Variants in OSTN observed in about 807,000 individuals in gnomAD.
OSTN encodes osteocrin.
In OSTN, 9 loss-of-function variants were observed where a neutral mutation model predicts 12.0. The ratio of observed to expected loss-of-function variants is 0.75; its 90% confidence interval spans 0.45 to 1.30. The LOEUF (loss-of-function observed/expected upper bound fraction) is 1.30. OSTN is among the 50% of genes most tolerant of loss of function. OSTN has a pLI of 0.00. For missense variants in OSTN, 148 were observed against 152.3 expected (o/e 0.97, Z 0.15); for synonymous variants, 59 against 56.9 (o/e 1.04, Z -0.16).
chr3:191,232,523 A>T (rs116590467), intron 3 of OSTN, among the ~76,000 whole-genome samples: 4,602 of 143,112 alleles, frequency 0.032, 226 homozygotes, highest in African/African-American at 0.11. Context: ...TATATATATA[A>T]AATTATGTTT....
chr3:191,246,763 GAGA>G (rs373913198), intron 3 of OSTN, among the ~76,000 whole-genome samples: 130 of 151,906 alleles, frequency 8.6e-4, no homozygotes, highest in African/African-American at 3.0e-3. Flanking sequence ...GGAGAAGGAG[GAGA>G]AGGAGGAGAA....
intron 1 of OSTN, among the ~76,000 whole-genome samples, chr3:191,204,471 T>A (rs1419223759): frequency 6.6e-6 from 1 of 152,196 alleles, no homozygotes; most frequent in Non-Finnish European, 1.5e-5. Flanking sequence ...TGATTTTAAA[T>A]CTCGAATTTG....
intron 1 of OSTN, among the ~76,000 whole-genome samples, chr3:191,210,181 G>T (rs77077348): frequency 1.5e-3 from 232 of 152,294 alleles, no homozygotes; most frequent in African/African-American, 5.3e-3. Flanking sequence ...TATACACTTT[G>T]AACAATCAGA....
chr3:191,208,973 CA>C (rs776638983), intron 1 of OSTN, among the ~76,000 whole-genome samples: 36 of 152,148 alleles, frequency 2.4e-4, no homozygotes, highest in Non-Finnish European at 4.9e-4. Flanking sequence ...GCCTGGTCAA[CA>C]TAGAGAAACT....
chr3:191,210,561 C>T (rs1246882093), intron 1 of OSTN, among the ~76,000 whole-genome samples: 1 of 152,112 alleles, frequency 6.6e-6, no homozygotes, highest in Non-Finnish European at 1.5e-5. Flanking sequence ...AATTACTTCT[C>T]ATTTCACAAA....
intron 3 of OSTN, among the ~76,000 whole-genome samples, chr3:191,243,009 G>A (rs191333130): frequency 6.6e-6 from 1 of 151,520 alleles, no homozygotes; most frequent in East Asian, 1.9e-4. Flanking sequence ...ATTCAAACAG[G>A]CACTTTCAAA....
At chr3:191,231,405 ATT>A (rs989773657) in intron 3 of OSTN, among the ~76,000 whole-genome samples, 1 of 152,092 alleles carries the variant, frequency 6.6e-6, no homozygotes, top group African/African-American at 2.4e-5. Flanking sequence ...AATGTGACGT[ATT>A]TAGTAACAAG....
At chr3:191,239,212 G>T (rs1366817241) in intron 3 of OSTN, among the ~76,000 whole-genome samples, 3 of 152,246 alleles carry the variant, frequency 2.0e-5, no homozygotes, top group Non-Finnish European at 4.4e-5. Context: ...CCATAGTGTG[G>T]GAGCGGGCCT....
At chr3:191,201,665 CTATTTA>C (rs1714155527) in intron 1 of OSTN, among the ~76,000 whole-genome samples, 1 of 152,002 alleles carries the variant, frequency 6.6e-6, no homozygotes, top group African/African-American at 2.4e-5. Context: ...AGAGTGATTT[CTATTTA>C]TAACTCTCTA....
intron 4 of OSTN, among the ~76,000 whole-genome samples, chr3:191,255,422 T>A (rs1245708920): frequency 6.6e-6 from 1 of 152,224 alleles, no homozygotes; most frequent in African/African-American, 2.4e-5. Flanking sequence ...AGAGGCTTTT[T>A]ATTGGCTCTA....
chr3:191,213,473 T>A (rs1714519405), intron 2 of OSTN: 1 of 151,940 alleles, frequency 6.6e-6, no homozygotes. Context: ...TAAGAGAAAA[T>A]CCATTATTAT....
intron 3 of OSTN, among the ~76,000 whole-genome samples, chr3:191,220,075 C>A (rs1368768471): frequency 6.6e-6 from 1 of 152,092 alleles, no homozygotes. Flanking sequence ...TAATCTGGAA[C>A]CTCATTTCTT....
At chr3:191,261,773 C>A (rs550945951) in intron 4 of OSTN, among the ~76,000 whole-genome samples, 1 of 152,262 alleles carries the variant, frequency 6.6e-6, no homozygotes, top group African/African-American at 2.4e-5. Flanking sequence ...ATATATTGTA[C>A]CAAAGTTTTG....
chr3:191,229,930 G>A (rs1332441972), intron 3 of OSTN: 1 of 151,990 alleles, frequency 6.6e-6, no homozygotes, highest in Non-Finnish European at 1.5e-5. Context: ...GCTGGGCATG[G>A]TGGCGGGCGC....
intron 3 of OSTN, among the ~76,000 whole-genome samples, chr3:191,245,282 CAACACAT>C (rs1176737171): frequency 6.6e-6 from 1 of 152,176 alleles, no homozygotes; most frequent in African/African-American, 2.4e-5. Flanking sequence ...ATGCACATAA[CAACACAT>C]AACACATGGT....
chr3:191,231,671 T>C (rs1715059374), intron 3 of OSTN, among the ~76,000 whole-genome samples: 1 of 152,208 alleles, frequency 6.6e-6, no homozygotes, highest in Admixed American at 6.5e-5. Context: ...TTTTCATGTA[T>C]ATGCCCTCAT....
chr3:191,226,900 C>T (rs1714926588), intron 3 of OSTN, among the ~76,000 whole-genome samples: 1 of 151,912 alleles, frequency 6.6e-6, no homozygotes, highest in African/African-American at 2.4e-5. Context: ...AAATAGATGA[C>T]CCCACATAGG....
intron 1 of OSTN, among the ~76,000 whole-genome samples, chr3:191,209,277 A>C (rs1467450534): frequency 6.6e-6 from 1 of 152,242 alleles, no homozygotes; most frequent in East Asian, 1.9e-4. Flanking sequence ...AATCAGGAGA[A>C]AAAGAATACA....
chr3:191,247,639 G>A (rs1016718198), intron 3 of OSTN, among the ~76,000 whole-genome samples: 1 of 152,096 alleles, frequency 6.6e-6, no homozygotes, highest in Non-Finnish European at 1.5e-5. Context: ...TATAAACACC[G>A]TATCAGGTTC....
Sources: allele counts gnomAD v4.1 joint callset (sites outside exome capture counted in the v4.1 genomes callset), GRCh38; gene constraint gnomAD v4.1.1; transcripts MANE v1.5; gene names NCBI Gene and HGNC (gene_info 2026-07-23, HGNC 2026-07-21).